Variants in MGAT5 observed in about 807,000 individuals in gnomAD.
MGAT5 encodes the protein alpha-1,6-mannosylglycoprotein 6-beta-N-acetylglucosaminyltransferase.
Under a neutral mutation model 94.3 loss-of-function variants are expected in MGAT5, and 30 were observed. The ratio of observed to expected loss-of-function variants is 0.32; its 90% CI spans 0.24 to 0.43. The LOEUF is 0.43. Among genes scored for constraint, MGAT5 ranks in the 20% least tolerant of loss-of-function variants. The pLI, the probability that MGAT5 is intolerant of heterozygous loss-of-function variation, is 1.00. For synonymous variants in MGAT5, 310 were observed against 322.9 expected (o/e 0.96, Z 0.43); for missense variants, 691 against 905.5 (o/e 0.76, Z 3.04).
intron 1 of MGAT5, among the ~76,000 whole-genome samples, chr2:134,159,853 T>A (rs1687650289): frequency 2.6e-5 from 4 of 152,174 alleles, no homozygotes. Context: ...CTACTTTAGC[T>A]CCTCTTCTCT....
intron 1 of MGAT5, among the ~76,000 whole-genome samples, chr2:134,161,916 C>T (rs539333367): frequency 2.0e-5 from 3 of 152,074 alleles, no homozygotes; most frequent in East Asian, 1.9e-4. Context: ...TTTGGCCGGG[C>T]GCAGTGGCTC....
chr2:134,297,340 A>G (rs1444499072), intron 2 of MGAT5, among the ~76,000 whole-genome samples: 6 of 152,134 alleles, frequency 3.9e-5, no homozygotes, highest in African/African-American at 1.4e-4. Context: ...AGGAAATGAC[A>G]CTGATTCTTC....
chr2:134,153,478 C>G (rs1268929569), intron 1 of MGAT5, among the ~76,000 whole-genome samples: 2 of 152,102 alleles, frequency 1.3e-5, no homozygotes, highest in Non-Finnish European at 2.9e-5. Context: ...AACTGATTTC[C>G]CTGGAGAGGG....
At chr2:134,410,441 A>C (rs765989589) in intron 11 of MGAT5, among the ~76,000 whole-genome samples, 7 of 152,276 alleles carry the variant, frequency 4.6e-5, no homozygotes, top group Non-Finnish European at 8.8e-5. Context: ...TGTGTGACAG[A>C]AAAACTCATT....
At chr2:134,288,455 G>A (rs1259858528) in intron 2 of MGAT5, among the ~76,000 whole-genome samples, 1 of 151,706 alleles carries the variant, frequency 6.6e-6, no homozygotes, top group Non-Finnish European at 1.5e-5. Flanking sequence ...ATCAGAAATT[G>A]AGTAGTTGAT....
At chr2:134,394,074 T>C (rs1012467773) in intron 10 of MGAT5, among the ~76,000 whole-genome samples, 1 of 152,200 alleles carries the variant, frequency 6.6e-6, no homozygotes, top group African/African-American at 2.4e-5. Flanking sequence ...TTTCCCTTTC[T>C]GGTTTCCCAA....
chr2:134,286,311 C>A (rs528704679), intron 2 of MGAT5, among the ~76,000 whole-genome samples: 2 of 152,278 alleles, frequency 1.3e-5, no homozygotes, highest in African/African-American at 4.8e-5. Context: ...GCCCCTTTTC[C>A]CCTTTGGTGC....
chr2:134,299,343 A>G (rs2105813493), intron 2 of MGAT5, among the ~76,000 whole-genome samples: 1 of 152,320 alleles, frequency 6.6e-6, no homozygotes, highest in African/African-American at 2.4e-5. Context: ...TAGACTAAAA[A>G]TTTTATAGGT....
intron 1 of MGAT5, among the ~76,000 whole-genome samples, chr2:134,152,606 C>A (rs1342210221): frequency 6.6e-6 from 1 of 152,192 alleles, no homozygotes; most frequent in East Asian, 1.9e-4. Flanking sequence ...AAATCAATGT[C>A]TTTTTAATTT....
rs114294365 is a variant in MGAT5 at position 134,137,551 on chromosome 2, G to A, written c.-143+17260G>A. Among the ~76,000 whole-genome samples, 895 of 152,284 alleles carry A rather than the reference G, an allele frequency of 5.9e-3. 4 individuals are homozygous for A. The highest frequency in any genetic ancestry group is 0.027 in the Middle Eastern group (8 of 294). On this transcript the variant is annotated intron_variant, in intron 1 of 16. Transcript: ENST00000409645. ...CTGCCATGGGCATCTCTTTCCACTT[G>A]TAGCTATATTTAGAGCATGAAAATG...
At chr2:134,140,859 C>T (rs570392898) in intron 1 of MGAT5, among the ~76,000 whole-genome samples, 7 of 152,322 alleles carry the variant, frequency 4.6e-5, no homozygotes, top group African/African-American at 9.6e-5. Context: ...CCCCAGGTTT[C>T]GTAGCTAACA....
intron 2 of MGAT5, among the ~76,000 whole-genome samples, chr2:134,308,733 G>A (rs1287634816): frequency 6.6e-6 from 1 of 152,108 alleles, no homozygotes; most frequent in African/African-American, 2.4e-5. Flanking sequence ...TATTTAAAGT[G>A]TTTGATTTGA....
At chr2:134,153,544 C>T (rs934968783) in intron 1 of MGAT5, among the ~76,000 whole-genome samples, 1 of 152,170 alleles carries the variant, frequency 6.6e-6, no homozygotes, top group Non-Finnish European at 1.5e-5. Flanking sequence ...AGAAATAAAA[C>T]CCTTCATTGA....
intron 4 of MGAT5, among the ~76,000 whole-genome samples, chr2:134,318,988 G>A (rs1866457): frequency 0.82 from 125,484 of 152,118 alleles, 52,430 homozygotes; most frequent in Non-Finnish European, 0.89. Flanking sequence ...TAAAATAGAC[G>A]TGAGATTTGC....
intron 12 of MGAT5, among the ~76,000 whole-genome samples, chr2:134,416,835 G>A (rs1355447585): frequency 6.7e-6 from 1 of 149,848 alleles, no homozygotes; most frequent in Non-Finnish European, 1.5e-5. Flanking sequence ...CAACTCCTGG[G>A]ATCAAGTGAT....
At chr2:134,375,093 T>C (rs1265689707) in intron 10 of MGAT5, among the ~76,000 whole-genome samples, 1 of 152,214 alleles carries the variant, frequency 6.6e-6, no homozygotes, top group East Asian at 1.9e-4. Context: ...CTGTTTTTGA[T>C]AGATTGAGCT....
At chr2:134,340,385 C>A (rs923036432) in intron 6 of MGAT5, among the ~76,000 whole-genome samples, 1 of 152,056 alleles carries the variant, frequency 6.6e-6, no homozygotes, top group East Asian at 1.9e-4. Flanking sequence ...AGACTAGGAT[C>A]GTGTCAAAAG....
At chr2:134,319,262 C>T (rs62168007) in intron 4 of MGAT5, among the ~76,000 whole-genome samples, 24,482 of 152,110 alleles carry the variant, frequency 0.16, 2,067 homozygotes, top group Middle Eastern at 0.35. Context: ...GCAGCTGCCC[C>T]ATTTTATACC....
At chr2:134,134,660 C>T (rs1686325913) in intron 1 of MGAT5, among the ~76,000 whole-genome samples, 1 of 152,146 alleles carries the variant, frequency 6.6e-6, no homozygotes, top group Non-Finnish European at 1.5e-5. Flanking sequence ...GGTCTAGTCC[C>T]AGGCCCTACA....
Sources: allele counts gnomAD v4.1 joint callset (sites outside exome capture counted in the v4.1 genomes callset), GRCh38; gene constraint gnomAD v4.1.1; transcripts MANE v1.5; gene names NCBI Gene and HGNC (gene_info 2026-07-23, HGNC 2026-07-21).